DGKB: variants seen among roughly 807,000 people sequenced by gnomAD.
DGKB encodes diacylglycerol kinase beta, also known as 90 kDa diacylglycerol kinase.
Under a neutral mutation model 114.3 loss-of-function variants are expected in DGKB, and 67 were observed. That is an observed-to-expected ratio of 0.59 (90% CI 0.48 to 0.72). The LOEUF is 0.72. Ranked by LOEUF, DGKB falls within the 30% of genes least tolerant of loss-of-function variation. DGKB has a pLI of 0.00. For synonymous variants in DGKB, 398 were observed against 323.1 expected, an observed-to-expected ratio of 1.23 and a Z score of -2.49; for missense variants, 907 against 975.2, an observed-to-expected ratio of 0.93 and a Z score of 0.93.
intron 20 of DGKB, among the ~76,000 whole-genome samples, chr7:14,515,443 G>C (rs1052879678): frequency 2.0e-5 from 3 of 152,094 alleles, no homozygotes; most frequent in African/African-American, 7.2e-5. Flanking sequence ...CTTTTTCCCT[G>C]CTGTTACAAA....
At chr7:14,622,571 C>T (rs1807851624) in intron 14 of DGKB, among the ~76,000 whole-genome samples, 1 of 152,128 alleles carries the variant, frequency 6.6e-6, no homozygotes, top group Admixed American at 6.6e-5. Context: ...AAATTTCCTG[C>T]CTACTCTGTC....
chr7:14,227,255 T>C (rs1360254831), intron 23 of DGKB, among the ~76,000 whole-genome samples: 2 of 152,160 alleles, frequency 1.3e-5, no homozygotes, highest in South Asian at 2.1e-4. Context: ...TCTGAGAATA[T>C]ATATAGTTGC....
At chr7:14,697,028 CT>C (rs1426502356) in intron 8 of DGKB, among the ~76,000 whole-genome samples, 1 of 152,144 alleles carries the variant, frequency 6.6e-6, no homozygotes, top group Non-Finnish European at 1.5e-5. Context: ...TTCATATACA[CT>C]TTGCTAAAGG....
At chr7:14,433,749 G>A (rs974148384) in intron 21 of DGKB, among the ~76,000 whole-genome samples, 1 of 152,024 alleles carries the variant, frequency 6.6e-6, no homozygotes, top group African/African-American at 2.4e-5. Context: ...TATCTAAAAC[G>A]TTTGGGACTG....
At chr7:14,919,256 T>C (rs911325013) in intron 1 of DGKB, among the ~76,000 whole-genome samples, 6 of 152,084 alleles carry the variant, frequency 3.9e-5, no homozygotes, top group African/African-American at 1.4e-4. Flanking sequence ...CAGCACGTTA[T>C]TGACAAAGAA....
intron 1 of DGKB, among the ~76,000 whole-genome samples, chr7:14,938,222 T>C (rs1466325978): frequency 1.3e-5 from 2 of 152,158 alleles, no homozygotes; most frequent in African/African-American, 2.4e-5. Flanking sequence ...ACACAAAATA[T>C]CAGGGTGCTT....
At chr7:14,478,730 G>T (rs1782563701) in intron 20 of DGKB, among the ~76,000 whole-genome samples, 1 of 151,868 alleles carries the variant, frequency 6.6e-6, no homozygotes, top group African/African-American at 2.4e-5. Flanking sequence ...TTCAGAATTT[G>T]CTCAGGTTGT....
At chr7:14,663,345 T>C (rs572084760) in intron 13 of DGKB, among the ~76,000 whole-genome samples, 18 of 152,178 alleles carry the variant, frequency 1.2e-4, no homozygotes, top group South Asian at 2.1e-4. Context: ...GGTTTATCAA[T>C]AGACTTAGTT....
chr7:14,754,935 G>A (rs1295525528), intron 3 of DGKB, among the ~76,000 whole-genome samples: 1 of 152,124 alleles, frequency 6.6e-6, no homozygotes, highest in Non-Finnish European at 1.5e-5. Context: ...ATGAAGTGAA[G>A]AGCACAGGGC....
At chr7:14,686,475 GT>G (rs1299979366) in intron 9 of DGKB, among the ~76,000 whole-genome samples, 2 of 151,964 alleles carry the variant, frequency 1.3e-5, no homozygotes, top group African/African-American at 4.8e-5. Context: ...AACTTTCCAG[GT>G]TGTCCAAGTT....
At chr7:14,415,241 A>T (rs1363375567) in intron 21 of DGKB, among the ~76,000 whole-genome samples, 3 of 151,952 alleles carry the variant, frequency 2.0e-5, no homozygotes, top group African/African-American at 7.2e-5. Context: ...ATTGAGTCAA[A>T]TGACATTCAT....
chr7:14,374,984 C>T (rs1291578505), intron 21 of DGKB, among the ~76,000 whole-genome samples: 1 of 152,178 alleles, frequency 6.6e-6, no homozygotes, highest in Non-Finnish European at 1.5e-5. Flanking sequence ...CATTCTCTAC[C>T]TAAAAATTTC....
At chr7:14,185,691 T>C (rs1284574960) in intron 23 of DGKB, among the ~76,000 whole-genome samples, 2 of 152,102 alleles carry the variant, frequency 1.3e-5, no homozygotes, top group Admixed American at 6.5e-5. Flanking sequence ...TGGAACAGAA[T>C]AGAGAACCCA....
chr7:14,620,379 A>G (rs17603341), intron 15 of DGKB, among the ~76,000 whole-genome samples: 1 of 151,040 alleles, frequency 6.6e-6, no homozygotes, highest in African/African-American at 2.4e-5. Flanking sequence ...ATTCAAGATG[A>G]TAAAGAAGCA....
intron 21 of DGKB, among the ~76,000 whole-genome samples, chr7:14,402,242 A>C (rs938903092): frequency 3.3e-5 from 5 of 151,862 alleles, no homozygotes; most frequent in African/African-American, 1.2e-4. Flanking sequence ...ATCACAGCTT[A>C]GCTATTTCTG....
intron 20 of DGKB, among the ~76,000 whole-genome samples, chr7:14,564,887 G>C (rs978176159): frequency 6.6e-6 from 1 of 151,838 alleles, no homozygotes; most frequent in Non-Finnish European, 1.5e-5. Flanking sequence ...AAACCTCAAG[G>C]CTTTATCCTA....
intron 1 of DGKB, among the ~76,000 whole-genome samples, chr7:14,960,450 A>G (rs1249310323): frequency 6.6e-6 from 1 of 152,016 alleles, no homozygotes; most frequent in Non-Finnish European, 1.5e-5. Context: ...TTTATTTTTT[A>G]CTGTTTTACA....
chr7:14,753,994 C>G, intron 3 of DGKB, 46 bp from the exon 4 acceptor site: 1 of 1,295,312 alleles, frequency 7.7e-7, no homozygotes, highest in Non-Finnish European at 1.1e-6. Flanking sequence ...ATGTAAGATA[C>G]TTTATACTCA....
chr7:14,888,516 GT>G (rs1196638479), intron 1 of DGKB, among the ~76,000 whole-genome samples: 1 of 151,700 alleles, frequency 6.6e-6, no homozygotes, highest in Non-Finnish European at 1.5e-5. Flanking sequence ...TACATTTCAT[GT>G]TGCATTTCAG....
Sources: gnomAD v4.1 joint callset for allele counts (sites outside exome capture counted in the v4.1 genomes callset) on GRCh38, gnomAD v4.1.1 for gene constraint, MANE v1.5 for transcripts, NCBI Gene and HGNC (gene_info 2026-07-23, HGNC 2026-07-21) for gene names.